The following CSMD2 variants were observed in gnomAD, a reference collection of about 807,000 sequenced individuals.
CSMD2 encodes the protein CUB and sushi domain-containing protein 2.
In CSMD2, 130 loss-of-function variants were observed where a neutral mutation model predicts 398.5. The observed-to-expected ratio is 0.33, with a 90% CI of 0.28 to 0.38. The LOEUF is 0.38. Ranked by LOEUF, CSMD2 falls within the 10% of genes least tolerant of loss-of-function variation. The pLI, the probability that CSMD2 is intolerant of heterozygous loss-of-function variation, is 1.00. For synonymous variants in CSMD2, 1,828 were observed against 1,908.5 expected, an observed-to-expected ratio of 0.96 and a Z score of 1.10; for missense variants, 3,829 against 4,764.9, an observed-to-expected ratio of 0.80 and a Z score of 5.78.
rs918926869 is a variant in CSMD2, at chr1:33,633,153, T to C, written c.5200+269A>G. On this transcript the variant is annotated intron_variant, in intron 32 of 70. Transcript: ENST00000373381. The surrounding 1 kb of genome is among the most constrained non-coding windows in gnomAD (Gnocchi z 5.0). ...AATACATTTATAGTAAGAAAAAAAG[T>C]TGCATCTGAATACGAACCAACAGGA... Among the ~76,000 whole-genome samples, 7 of 152,166 alleles carry C rather than the reference T, an allele frequency of 4.6e-5. No homozygotes were observed. The highest frequency in any genetic ancestry group is 7.4e-5 in the Non-Finnish European group (5 of 68,026).
chr1:34,043,774 A>T (rs1432302290), intron 2 of CSMD2, among the ~76,000 whole-genome samples: 1 of 152,174 alleles, frequency 6.6e-6, no homozygotes, highest in Non-Finnish European at 1.5e-5. Context: ...TTGTACAAAC[A>T]TTATGGTTTA....
chr1:33,996,197 G>C (rs1453373757), intron 3 of CSMD2, among the ~76,000 whole-genome samples: 1 of 152,206 alleles, frequency 6.6e-6, no homozygotes. Flanking sequence ...CTGGTAATCA[G>C]AGCAATATGC....
intron 5 of CSMD2, chr1:33,870,911 T>C (rs1207946687): frequency 3.3e-5 from 5 of 152,228 alleles, no homozygotes; most frequent in African/African-American, 9.7e-5. Flanking sequence ...GAGAGGCTCA[T>C]GTGGCAAGGA....
At position 33,533,574 on chromosome 1, in the gene CSMD2, G is replaced by GT. The variant is rs35879676; in HGVS notation, c.9991+221dup. The stretch of plus-strand genomic sequence containing the variant: ...TAGTTTTTGCTGCTGCCACTGGATA[G>GT]TTTTTTCTTTGCTAAGGCATAGGGA... On this transcript the variant is annotated intron_variant, in intron 63 of 70. Coordinates refer to ENST00000373381, the MANE Select transcript of CSMD2 (RefSeq NM_001281956.2). The surrounding 1 kb of genome is among the most constrained non-coding windows in gnomAD (Gnocchi z 4.2). Among the ~76,000 whole-genome samples the GT allele has an allele frequency of 6.6e-6, 1 of 151,990 alleles. No individual in the cohort carries two copies. Among genetic ancestry groups the GT allele is most frequent in the Non-Finnish European group, 1.5e-5 (1 of 67,976 alleles).
intron 2 of CSMD2, among the ~76,000 whole-genome samples, chr1:34,069,537 T>C (rs897591487): frequency 2.6e-5 from 4 of 152,142 alleles, no homozygotes; most frequent in Admixed American, 2.0e-4. Context: ...AGGTAGTAAA[T>C]GGTAAAGGCA....
At chr1:34,157,525 A>C (rs1640916706) in intron 1 of CSMD2, among the ~76,000 whole-genome samples, 1 of 151,316 alleles carries the variant, frequency 6.6e-6, no homozygotes, top group African/African-American at 2.4e-5. Flanking sequence ...TCATATCCCA[A>C]TTGTTCCATT....
At chr1:33,826,043 C>T (rs747610387) in intron 6 of CSMD2, among the ~76,000 whole-genome samples, 10 of 152,182 alleles carry the variant, frequency 6.6e-5, no homozygotes, top group South Asian at 2.1e-4. Context: ...GGGACTCCCC[C>T]GGTGGCCTCT....
rs557819801 is a variant in CSMD2 at position 33,648,448 on chromosome 1, A to C, written c.4587-1613T>G. ...CTGAAACATTTCTCCCAAGAACAGGAGATGGAACATGGATTTACCAGTACA... is the reference window on the plus strand; with the variant it reads ...CTGAAACATTTCTCCCAAGAACAGGCGATGGAACATGGATTTACCAGTACA... On this transcript the variant is annotated intron_variant, in intron 28 of 70. Coordinates refer to ENST00000373381, the MANE Select transcript of CSMD2 (RefSeq NM_001281956.2). 4.6e-5 allele frequency among the ~76,000 whole-genome samples: 7 copies of C among 152,196 alleles called. No individual in the cohort carries two copies. In the South Asian group the frequency reaches 1.2e-3, roughly 27 times the overall value.
Position 33,521,545 on chromosome 1 carries a change from C to A in CSMD2, c.10515G>T (p.Ser3505=), listed in dbSNP as rs756066303. 6.2e-7 allele frequency: 1 copy of A among 1,606,864 alleles called. No individual in the cohort carries two copies. Among genetic ancestry groups the A allele is most frequent in the Admixed American group, 1.7e-5 (1 of 60,002 alleles). The part of the protein sequence containing the change: ...DDHWALDGHV[S]SESSGATFIY... ...TGAAGGTGGCTCCGGAGGACTCTGA[C>A]GAGACCTGTGATGGTGGGGAGCACA... is the stretch of plus-strand genomic sequence containing the variant. Residue 3505 remains serine, a synonymous_variant, in exon 68 of 71, where the codon TCG becomes TCT. Coordinates refer to ENST00000373381, the MANE Select transcript of CSMD2 (RefSeq NM_001281956.2).
intron 24 of CSMD2, among the ~76,000 whole-genome samples, chr1:33,698,538 G>A (rs1033629107): frequency 9.2e-5 from 14 of 152,334 alleles, no homozygotes; most frequent in African/African-American, 2.9e-4. Context: ...CAAGCCACCC[G>A]CCTGACTGCA....
chr1:33,748,037 G>A (rs991990820), intron 13 of CSMD2, among the ~76,000 whole-genome samples: 1 of 152,130 alleles, frequency 6.6e-6, no homozygotes, highest in Non-Finnish European at 1.5e-5. Context: ...GCTACCAAGA[G>A]GCATTTCTTA....
At chr1:34,146,817 T>C (rs146255032) in intron 1 of CSMD2, among the ~76,000 whole-genome samples, 1 of 152,058 alleles carries the variant, frequency 6.6e-6, no homozygotes, top group African/African-American at 2.4e-5. Flanking sequence ...GAGAGAGTCA[T>C]ATAGGTGACA....
intron 1 of CSMD2, among the ~76,000 whole-genome samples, chr1:34,136,169 C>G (rs1638733554): frequency 6.6e-6 from 1 of 152,210 alleles, no homozygotes; most frequent in South Asian, 2.1e-4. Flanking sequence ...TTCAGTCACA[C>G]AGGTTGCTCT....
Position 33,707,693 on chromosome 1 carries a change from GCGCACACACACACACACACACACACACA to G in CSMD2, c.3576+1368_3576+1395del, listed in dbSNP as rs1187036920. Among the ~76,000 whole-genome samples, 23 of 46,954 alleles carry G rather than the reference GCGCACACACACACACACACACACACACA, an allele frequency of 4.9e-4. No individual in the cohort carries two copies. In the South Asian group the frequency reaches 7.8e-3, roughly 16 times the overall value. 30.8% of individuals were successfully genotyped at this position (46,954 alleles called of 152,430 possible). A position where few individuals can be genotyped will look rare whatever the true frequency, so the allele number is the denominator to read the frequency against. On this transcript the variant is annotated intron_variant, in intron 22 of 70. Transcript: ENST00000373381. ...CACGCACGCGTGCACACGCGCGCGC[GCGCACACACACACACACACACACACACA>G]CACACACACACACACACACACACCA...
intron 1 of CSMD2, among the ~76,000 whole-genome samples, chr1:34,095,568 T>C (rs979022934): frequency 2.0e-5 from 3 of 151,884 alleles, no homozygotes; most frequent in Non-Finnish European, 4.4e-5. Context: ...TAAAAAATGA[T>C]AAAGGGGATA....
chr1:34,165,267 G>A (rs1641783374), upstream of CSMD2: 8 of 1,187,406 alleles, frequency 6.7e-6, no homozygotes, highest in Non-Finnish European at 7.3e-6. Flanking sequence ...GAGGCGCGCT[G>A]CGCTCTCGGA....
At chr1:34,024,414 T>C (rs554158200) in intron 3 of CSMD2, among the ~76,000 whole-genome samples, 41 of 152,350 alleles carry the variant, frequency 2.7e-4, no homozygotes, top group African/African-American at 9.9e-4. Context: ...CATAATATCA[T>C]CTTAAAGCTA....
intron 6 of CSMD2, among the ~76,000 whole-genome samples, chr1:33,837,082 T>C (rs1188917654): frequency 6.6e-6 from 1 of 152,184 alleles, no homozygotes; most frequent in East Asian, 1.9e-4. Flanking sequence ...AGGGAAGCAG[T>C]CACACCCTGA....
intron 5 of CSMD2, among the ~76,000 whole-genome samples, chr1:33,874,952 C>T (rs1244144741): frequency 3.3e-5 from 5 of 152,198 alleles, no homozygotes; most frequent in Admixed American, 3.3e-4. Flanking sequence ...AGAATCTGGC[C>T]AGGCTCCTCT....
Sources: allele counts gnomAD v4.1 joint callset (sites outside exome capture counted in the v4.1 genomes callset), GRCh38; gene constraint gnomAD v4.1.1; non-coding constraint Gnocchi (gnomAD v3.1); transcripts MANE v1.5; gene names NCBI Gene and HGNC (gene_info 2026-07-23, HGNC 2026-07-21).